The following OPRM1 variants were observed in gnomAD, a reference collection of about 807,000 sequenced individuals.
OPRM1 encodes the protein mu-type opioid receptor.
A neutral mutation model predicts 31.8 loss-of-function variants in OPRM1; 27 were observed. That is an observed-to-expected ratio of 0.85 (90% CI 0.63 to 1.17). The LOEUF (loss-of-function observed/expected upper bound fraction) is 1.17. Among genes scored for constraint, OPRM1 ranks in the 50% most tolerant of loss-of-function variants. The pLI, the probability that OPRM1 is intolerant of heterozygous loss-of-function variation, is 0.00. For missense variants in OPRM1, 536 were observed against 511.1 expected (o/e 1.05, Z -0.47); for synonymous variants, 196 against 189.9 (o/e 1.03, Z -0.26).
rs374031940 is a variant in OPRM1 at position 154,099,096 on chromosome 6, C to G, written c.1164+7624C>G. 3.5e-4 allele frequency among the ~76,000 whole-genome samples: 54 copies of G among 152,154 alleles called. No homozygotes were observed. The South Asian group carries it at 4.4e-3, about 12-fold the overall frequency. On this transcript the variant is annotated intron_variant, in intron 3 of 3. Coordinates refer to ENST00000330432, the MANE Select transcript of OPRM1 (RefSeq NM_000914.5). ...GGAGTTCAAGACCAGCCTGGGCAACCTGACGAAAGTCGATCTCTGCAAAAA... is the reference window on the plus strand; with the variant it reads ...GGAGTTCAAGACCAGCCTGGGCAACGTGACGAAAGTCGATCTCTGCAAAAA...
At chr6:154,206,392 C>T (rs913211702) in intron 3 of OPRM1, among the ~76,000 whole-genome samples, 21 of 152,086 alleles carry the variant, frequency 1.4e-4, no homozygotes, top group African/African-American at 1.2e-4. Context: ...AAGAAATTTG[C>T]GGGGGTTGTG....
chr6:154,217,689 A>G (rs1296223494), intron 3 of OPRM1, among the ~76,000 whole-genome samples: 5 of 152,246 alleles, frequency 3.3e-5, no homozygotes, highest in Non-Finnish European at 7.3e-5. Context: ...TGACCAGGCA[A>G]AACATAACAA....
chr6:154,129,665 T>C lies in OPRM1; in HGVS notation c.*10944T>C, dbSNP rs1219463068. Among the ~76,000 whole-genome samples, 1 of 152,338 alleles carries C rather than the reference T, an allele frequency of 6.6e-6. No individual in the cohort carries two copies. Among genetic ancestry groups the C allele is most frequent in the African/African-American group, 2.4e-5 (1 of 41,566 alleles). ...ATTTGAAAAATAGTTCTATATCTAT[T>C]CTTGAAACATATTTCTTTAGTTCAA... On this transcript the variant is annotated 3_prime_UTR_variant, in exon 4 of 4. Coordinates refer to ENST00000330432, the MANE Select transcript of OPRM1 (RefSeq NM_000914.5).
chr6:154,072,047 C>T (rs1249631098), intron 1 of OPRM1, among the ~76,000 whole-genome samples: 1 of 151,990 alleles, frequency 6.6e-6, no homozygotes, highest in Non-Finnish European at 1.5e-5. Context: ...TTTGGTCTTT[C>T]TCGCAATTAC....
chr6:154,234,534 C>T (rs1447555039), intron 3 of OPRM1, among the ~76,000 whole-genome samples: 1 of 152,218 alleles, frequency 6.6e-6, no homozygotes, highest in African/African-American at 2.4e-5. Context: ...CCCAACTGCT[C>T]AGCACAACAA....
At chr6:154,035,439 A>T (rs1420370977), upstream of OPRM1, among the ~76,000 whole-genome samples, 2 of 152,186 alleles carry the variant, frequency 1.3e-5, no homozygotes, top group African/African-American at 4.8e-5. Context: ...AGCTATGCCC[A>T]TTTAAAAGTT....
intron 1 of OPRM1, among the ~76,000 whole-genome samples, chr6:154,012,430 G>A (rs373250226): frequency 2.0e-5 from 3 of 151,918 alleles, no homozygotes; most frequent in Non-Finnish European, 1.5e-5. Context: ...ACAAATTTTT[G>A]TAGTTCCCAC....
chr6:154,038,384 G>A (rs1034856802), upstream of OPRM1, among the ~76,000 whole-genome samples: 1 of 152,042 alleles, frequency 6.6e-6, no homozygotes, highest in African/African-American at 2.4e-5. Flanking sequence ...TAAAATAGAA[G>A]CACTCATGGA....
intron 3 of OPRM1, chr6:154,160,046 T>A: frequency 1.2e-6 from 2 of 1,601,454 alleles, no homozygotes; most frequent in South Asian, 1.1e-5. Flanking sequence ...TTACACTGTG[T>A]GAGTAGAAAA....
rs1791594562 is a variant in OPRM1, at chr6:154,089,786, G to A, written c.291-40G>A. ...AAGCTTACCTATATTTTACACTAGT[G>A]TCTTTTACTGATTCTCACTCTTCTT... On this transcript the variant is annotated intron_variant, in intron 1 of 3. Coordinates refer to ENST00000330432, the MANE Select transcript of OPRM1 (RefSeq NM_000914.5). 7.1e-6 allele frequency: 10 copies of A among 1,400,248 alleles called. No homozygotes were observed. The East Asian group carries it at 1.1e-4, about 16-fold the overall frequency. 86.7% of individuals were successfully genotyped at this position (1,400,248 alleles called of 1,614,324 possible).
chr6:154,162,011 T>G (rs9479769), intron 3 of OPRM1, among the ~76,000 whole-genome samples: 62,554 of 152,036 alleles, frequency 0.41, 13,271 homozygotes, highest in Middle Eastern at 0.51. Context: ...GCTATCTCTT[T>G]GTTGAGGAAA....
intron 1 of OPRM1, among the ~76,000 whole-genome samples, chr6:154,060,738 G>A (rs138262676): frequency 6.6e-6 from 1 of 152,232 alleles, no homozygotes; most frequent in East Asian, 1.9e-4. Flanking sequence ...ATAATAACAG[G>A]AGAACAATAG....
intron 1 of OPRM1, among the ~76,000 whole-genome samples, chr6:154,032,562 A>G (rs1779072736): frequency 6.6e-6 from 1 of 152,134 alleles, no homozygotes; most frequent in African/African-American, 2.4e-5. Flanking sequence ...CAGCCTACCG[A>G]GTAGCTAGGA....
At chr6:154,087,172 A>G (rs913702888) in intron 1 of OPRM1, 1 of 985,352 alleles carries the variant, frequency 1.0e-6, no homozygotes, top group Admixed American at 6.1e-5. Context: ...CTTTTCTGGC[A>G]GTAATGCAGC....
chr6:154,170,403 A>G (rs1236370991), intron 3 of OPRM1, among the ~76,000 whole-genome samples: 1 of 152,212 alleles, frequency 6.6e-6, no homozygotes, highest in Non-Finnish European at 1.5e-5. Flanking sequence ...CAAACTTCAC[A>G]TGCCTTAGAG....
At chr6:154,110,865 C>A (rs954778121) in intron 3 of OPRM1, among the ~76,000 whole-genome samples, 1 of 112,092 alleles carries the variant, frequency 8.9e-6, no homozygotes, top group African/African-American at 3.5e-5. Flanking sequence ...CCAGCCTGGG[C>A]GACAAAGCGA....
chr6:154,199,238 C>T (rs533093345), intron 3 of OPRM1, among the ~76,000 whole-genome samples: 1 of 152,346 alleles, frequency 6.6e-6, no homozygotes, highest in East Asian at 1.9e-4. Context: ...GAATTAGATA[C>T]TGTCTGGGGC....
At chr6:154,143,936 GAGAA>G (rs1216839313) in intron 3 of OPRM1, among the ~76,000 whole-genome samples, 3 of 152,124 alleles carry the variant, frequency 2.0e-5, no homozygotes, top group Admixed American at 6.5e-5. Context: ...CTGACCGAAA[GAGAA>G]AGAGAGAGAG....
intron 3 of OPRM1, among the ~76,000 whole-genome samples, chr6:154,240,114 T>A (rs1780461557): frequency 6.6e-6 from 1 of 152,234 alleles, no homozygotes; most frequent in Admixed American, 6.5e-5. Context: ...ATAATTCTCA[T>A]TTTGGTAGAA....
Sources: gnomAD v4.1 joint callset for allele counts (sites outside exome capture counted in the v4.1 genomes callset) on GRCh38, gnomAD v4.1.1 for gene constraint, MANE v1.5 for transcripts, NCBI Gene and HGNC (gene_info 2026-07-23, HGNC 2026-07-21) for gene names.